TBC1D9: variants seen among roughly 807,000 people sequenced by gnomAD.
TBC1D9 encodes TBC1 domain family member 9A.
A neutral mutation model predicts 132.0 loss-of-function variants in TBC1D9; 63 were observed. The ratio of observed to expected loss-of-function variants is 0.48; its 90% confidence interval spans 0.39 to 0.59. The LOEUF (loss-of-function observed/expected upper bound fraction) is 0.59. Among genes scored for constraint, TBC1D9 ranks in the 20% least tolerant of loss-of-function variants. TBC1D9 has a pLI of 0.00. For missense variants in TBC1D9, 1,261 were observed against 1,592.7 expected (o/e 0.79, Z 3.54); for synonymous variants, 610 against 609.9 (o/e 1.00, Z 0.00).
chr4:140,748,116 T>A (rs1477618217), intron 1 of TBC1D9, among the ~76,000 whole-genome samples: 1 of 152,192 alleles, frequency 6.6e-6, no homozygotes, highest in Admixed American at 6.6e-5. Context: ...TCGAGATATT[T>A]AAGTTAATTG....
chr4:140,672,483 G>A lies in TBC1D9; in HGVS notation c.1060-1557C>T, dbSNP rs186783246. ...CATAAAATTTTTACTGGCTCTTTTG[G>A]TCATGAGGTGTCTGGGATAAATGGA... is the stretch of plus-strand genomic sequence containing the variant. On this transcript the variant is annotated intron_variant, in intron 6 of 20. Transcript: ENST00000442267. Among the ~76,000 whole-genome samples the A allele has an allele frequency of 4.4e-3, 671 of 152,120 alleles. 4 individuals carry two copies. The highest frequency in any genetic ancestry group is 0.015 in the African/African-American group (626 of 41,508).
chr4:140,723,201 T>C (rs971519876), intron 1 of TBC1D9, among the ~76,000 whole-genome samples: 12 of 152,190 alleles, frequency 7.9e-5, no homozygotes, highest in Non-Finnish European at 1.6e-4. Context: ...GTAACCTGCA[T>C]GAATACAAAG....
intron 13 of TBC1D9, chr4:140,641,872 G>GCGCCCACTCGCTTCCTTCT (rs1737003605): frequency 2.7e-6 from 1 of 364,054 alleles, no homozygotes. Flanking sequence ...TCTCTCCCGT[G>GCGCCCACTCGCTTCCTTCT]CGCCCACTCG....
intron 1 of TBC1D9, among the ~76,000 whole-genome samples, chr4:140,709,293 A>G (rs547516659): frequency 1.1e-3 from 135 of 126,958 alleles, no homozygotes; most frequent in African/African-American, 4.5e-3. Context: ...CACACACCCC[A>G]ATTCATCATT....
intron 6 of TBC1D9, among the ~76,000 whole-genome samples, chr4:140,676,385 G>C (rs750627115): frequency 2.0e-5 from 3 of 152,222 alleles, no homozygotes; most frequent in African/African-American, 4.8e-5. Flanking sequence ...GGGCACAGTG[G>C]CTCATGTCTG....
At chr4:140,656,317 A>G (rs919556159) in intron 13 of TBC1D9, among the ~76,000 whole-genome samples, 2 of 152,202 alleles carry the variant, frequency 1.3e-5, no homozygotes, top group Non-Finnish European at 2.9e-5. Context: ...CTAATTAGGG[A>G]AAAGGAGTCG....
intron 1 of TBC1D9, among the ~76,000 whole-genome samples, chr4:140,739,180 G>A (rs868391764): frequency 1.1e-4 from 16 of 152,110 alleles, no homozygotes; most frequent in African/African-American, 3.4e-4. Context: ...TAATAGAGAC[G>A]GAGTATCTCC....
chr4:140,753,853 GA>G (rs1461394261), intron 1 of TBC1D9, among the ~76,000 whole-genome samples: 7 of 152,196 alleles, frequency 4.6e-5, no homozygotes, highest in African/African-American at 1.7e-4. Context: ...ATTAGAATCA[GA>G]ATATACTACA....
rs558098391 is a variant in TBC1D9 at position 140,667,107 on chromosome 4, GC to G, written c.1588+1809del. 2.1e-4 allele frequency among the ~76,000 whole-genome samples: 32 copies of G among 152,346 alleles called. 1 individual carries two copies. In the South Asian group the frequency reaches 6.2e-3, roughly 30 times the overall value. On this transcript the variant is annotated intron_variant, in intron 9 of 20. Transcript: ENST00000442267. Reference sequence around the variant, plus strand: ...GCCGTCACCCTAAGGGTCACAGGAAGCAGGTGAGACCCAAGTTGGGCTCTGG... The same window carrying G: ...GCCGTCACCCTAAGGGTCACAGGAAGAGGTGAGACCCAAGTTGGGCTCTGG...
intron 1 of TBC1D9, among the ~76,000 whole-genome samples, chr4:140,727,890 C>A (rs1157966402): frequency 6.6e-6 from 1 of 152,164 alleles, no homozygotes. Flanking sequence ...CAGTTGGCCT[C>A]TCTTTGCTAT....
intron 2 of TBC1D9, among the ~76,000 whole-genome samples, chr4:140,690,206 G>A (rs1432289565): frequency 6.6e-6 from 1 of 152,032 alleles, no homozygotes; most frequent in Admixed American, 6.6e-5. Flanking sequence ...CAGGCTAATT[G>A]TCTTTCCCAC....
At chr4:140,634,845 T>G (rs1425708939) in intron 15 of TBC1D9, among the ~76,000 whole-genome samples, 1 of 152,056 alleles carries the variant, frequency 6.6e-6, no homozygotes, top group Non-Finnish European at 1.5e-5. Context: ...TCTAGAAAAA[T>G]TATCAGCGTA....
intron 1 of TBC1D9, among the ~76,000 whole-genome samples, chr4:140,733,291 T>C (rs1738626129): frequency 6.6e-6 from 1 of 151,720 alleles, no homozygotes; most frequent in South Asian, 2.1e-4. Context: ...TGAAAATAAT[T>C]ATGTGATTTT....
At chr4:140,627,637 C>G in intron 17 of TBC1D9, 110 bp from the exon 18 acceptor site, 1 of 745,242 alleles carries the variant, frequency 1.3e-6, no homozygotes, top group Non-Finnish European at 2.3e-6. Flanking sequence ...GCTAAAGTTA[C>G]AAAGGTGGGA....
intron 13 of TBC1D9, chr4:140,645,573 T>C (rs1737091044): frequency 3.6e-6 from 1 of 278,980 alleles, no homozygotes; most frequent in Non-Finnish European, 7.0e-6. Context: ...ATCATTATCT[T>C]CCCCCAGTAG....
At chr4:140,754,614 CAAAAAAAAAAA>C (rs34471976) in intron 1 of TBC1D9, among the ~76,000 whole-genome samples, 6 of 23,260 alleles carry the variant, frequency 2.6e-4, no homozygotes, top group African/African-American at 3.9e-4. Context: ...GACTCTGTCT[CAAAAAAAAAAA>C]AAAAAAAAAA....
intron 13 of TBC1D9, among the ~76,000 whole-genome samples, chr4:140,645,836 G>C (rs1487992558): frequency 6.6e-6 from 1 of 152,174 alleles, no homozygotes; most frequent in African/African-American, 2.4e-5. Flanking sequence ...GCTGCTGGCT[G>C]CCCCCTCTGT....
chr4:140,682,788 G>A (rs1158572878), intron 3 of TBC1D9, among the ~76,000 whole-genome samples: 3 of 152,128 alleles, frequency 2.0e-5, no homozygotes, highest in Non-Finnish European at 2.9e-5. Flanking sequence ...TCAAAATGAG[G>A]AGAATGTGAG....
intron 4 of TBC1D9, among the ~76,000 whole-genome samples, 176 bp downstream of exon 4, chr4:140,679,439 C>T (rs1422097243): frequency 6.6e-6 from 1 of 151,970 alleles, no homozygotes; most frequent in Non-Finnish European, 1.5e-5. Flanking sequence ...ATCTTTATTA[C>T]TTAGTGACCA....
Sources: allele counts gnomAD v4.1 joint callset (sites outside exome capture counted in the v4.1 genomes callset), GRCh38; gene constraint gnomAD v4.1.1; transcripts MANE v1.5; gene names NCBI Gene and HGNC (gene_info 2026-07-23, HGNC 2026-07-21).